PTPRG: variants seen among roughly 807,000 people sequenced by gnomAD.
PTPRG encodes protein tyrosine phosphatase receptor type G, also known as receptor-type tyrosine-protein phosphatase gamma.
Under a neutral mutation model 165.3 loss-of-function variants are expected in PTPRG, and 102 were observed. The ratio of observed to expected loss-of-function variants is 0.62; its 90% CI spans 0.53 to 0.73. The LOEUF is 0.73. PTPRG is among the 30% of genes least tolerant of loss of function. The pLI, the probability that PTPRG is intolerant of heterozygous loss-of-function variation, is 0.00. For synonymous variants in PTPRG, 675 were observed against 669.5 expected, an observed-to-expected ratio of 1.01 and a Z score of -0.13; for missense variants, 1,866 against 1,861.4, an observed-to-expected ratio of 1.00 and a Z score of -0.05.
At chr3:62,206,193 A>G (rs1331839214) in intron 12 of PTPRG, among the ~76,000 whole-genome samples, 1 of 152,186 alleles carries the variant, frequency 6.6e-6, no homozygotes, top group Non-Finnish European at 1.5e-5. Flanking sequence ...GTAAGTGGAA[A>G]TGAGTTCTTG....
intron 2 of PTPRG, among the ~76,000 whole-genome samples, chr3:61,973,781 C>T (rs1253412264): frequency 6.6e-6 from 1 of 151,894 alleles, no homozygotes; most frequent in Non-Finnish European, 1.5e-5. Flanking sequence ...TGCAGTGAGC[C>T]AAGATGGCTT....
chr3:61,747,555 G>C, intron 1 of PTPRG, among the ~76,000 whole-genome samples: 1 of 152,094 alleles, frequency 6.6e-6, no homozygotes, highest in Admixed American at 6.6e-5. Context: ...CATCTCTGTG[G>C]AATACTATTG....
rs114838445 is a variant in PTPRG at position 61,701,486 on chromosome 3, G to A, written c.86-47392G>A. Among the ~76,000 whole-genome samples the A allele has an allele frequency of 3.6e-3, 544 of 152,184 alleles. 6 individuals are homozygous for A. The highest frequency in any genetic ancestry group is 0.013 in the African/African-American group (520 of 41,532). The stretch of plus-strand genomic sequence containing the variant: ...TAATAGTAATATTTGAAAACTTTTT[G>A]CATAAAGGCAGAAGAGGAAAAAACC... On this transcript the variant is annotated intron_variant, in intron 1 of 29. Transcript: ENST00000474889.
At chr3:61,611,333 A>G (rs1048520188) in intron 1 of PTPRG, among the ~76,000 whole-genome samples, 2 of 152,090 alleles carry the variant, frequency 1.3e-5, no homozygotes, top group Non-Finnish European at 2.9e-5. Flanking sequence ...TGTGGATCAA[A>G]TGGAAAGATG....
chr3:61,702,374 T>A (rs535191357), intron 1 of PTPRG, among the ~76,000 whole-genome samples: 1 of 152,368 alleles, frequency 6.6e-6, no homozygotes, highest in East Asian at 1.9e-4. Flanking sequence ...GAATAGGAAC[T>A]GTTACTTTCT....
At chr3:61,627,254 T>C (rs1559530376) in intron 1 of PTPRG, among the ~76,000 whole-genome samples, 1 of 152,158 alleles carries the variant, frequency 6.6e-6, no homozygotes, top group Non-Finnish European at 1.5e-5. Flanking sequence ...GCATTAGTTA[T>C]AGGGAAATTA....
chr3:61,650,400 C>G (rs1358758666), intron 1 of PTPRG, among the ~76,000 whole-genome samples: 1 of 152,076 alleles, frequency 6.6e-6, no homozygotes, highest in African/African-American at 2.4e-5. Context: ...AACACAGTGA[C>G]GAGTTCCGCA....
intron 8 of PTPRG, among the ~76,000 whole-genome samples, chr3:62,191,122 T>C (rs1699801557): frequency 6.6e-6 from 1 of 151,610 alleles, no homozygotes; most frequent in Non-Finnish European, 1.5e-5. Flanking sequence ...CATGCACATG[T>C]GTGCGTGTGT....
intron 1 of PTPRG, among the ~76,000 whole-genome samples, chr3:61,681,647 C>T (rs944194917): frequency 6.6e-6 from 1 of 151,948 alleles, no homozygotes; most frequent in Non-Finnish European, 1.5e-5. Context: ...GGACTCATGC[C>T]CCATGGAATT....
intron 4 of PTPRG, among the ~76,000 whole-genome samples, chr3:62,041,005 C>G (rs1329513295): frequency 6.6e-6 from 1 of 152,212 alleles, no homozygotes; most frequent in African/African-American, 2.4e-5. Flanking sequence ...AGTCCTGGCT[C>G]TGCCCACTTT....
chr3:62,232,056 A>G (rs111797264), intron 14 of PTPRG, among the ~76,000 whole-genome samples: 18 of 152,260 alleles, frequency 1.2e-4, no homozygotes, highest in African/African-American at 3.8e-4. Flanking sequence ...TCACTAATCC[A>G]TATTATGTCA....
chr3:62,225,995 T>C (rs1194161309), intron 13 of PTPRG, among the ~76,000 whole-genome samples: 1 of 152,182 alleles, frequency 6.6e-6, no homozygotes, highest in East Asian at 1.9e-4. Context: ...ACTAGACATG[T>C]GCTCAGCAGA....
intron 2 of PTPRG, among the ~76,000 whole-genome samples, chr3:61,962,311 T>G (rs1020451622): frequency 2.0e-5 from 3 of 152,316 alleles, no homozygotes; most frequent in African/African-American, 7.2e-5. Flanking sequence ...TCAATTTTTC[T>G]TAATTATGCT....
chr3:61,594,270 C>T lies in PTPRG; in HGVS notation c.85+31898C>T, dbSNP rs540708329. On this transcript the variant is annotated intron_variant, in intron 1 of 29. Transcript: ENST00000474889. ...AAATACTCCTCCGGGAGGAGGGCGC[C>T]GGGTGGATTACAATGCAGAGCCCTG... Among the ~76,000 whole-genome samples the T allele has an allele frequency of 3.9e-5, 6 of 151,952 alleles. No individual in the cohort carries two copies. The East Asian group carries it at 7.8e-4, about 20-fold the overall frequency.
At chr3:61,866,152 ATC>A (rs2037402549) in intron 2 of PTPRG, among the ~76,000 whole-genome samples, 1 of 152,202 alleles carries the variant, frequency 6.6e-6, no homozygotes, top group Non-Finnish European at 1.5e-5. Context: ...GTCCTCCTGC[ATC>A]CAGGAATGGG....
chr3:62,279,941 T>C (rs1012623830), intron 26 of PTPRG, among the ~76,000 whole-genome samples: 6 of 152,072 alleles, frequency 3.9e-5, no homozygotes, highest in Non-Finnish European at 8.8e-5. Context: ...TGGAGCTGAT[T>C]GATTAGGATA....
intron 2 of PTPRG, among the ~76,000 whole-genome samples, chr3:61,913,227 A>AT (rs1559685076): frequency 1.3e-5 from 2 of 151,754 alleles, no homozygotes; most frequent in Non-Finnish European, 1.5e-5. Context: ...TTTCTTTTTT[A>AT]TTTTTTTTCT....
chr3:61,937,948 T>TTTA (rs2039520348), intron 2 of PTPRG, among the ~76,000 whole-genome samples: 1 of 151,834 alleles, frequency 6.6e-6, no homozygotes, highest in African/African-American at 2.4e-5. Flanking sequence ...GTTTTTTTTT[T>TTTA]TCCCCCTTCA....
intron 4 of PTPRG, among the ~76,000 whole-genome samples, chr3:62,008,815 A>G (rs113474759): frequency 0.064 from 9,743 of 152,218 alleles, 515 homozygotes; most frequent in African/African-American, 0.15. Flanking sequence ...CTCCTATGAG[A>G]ATGTACTGCT....
Sources: allele counts gnomAD v4.1 joint callset (sites outside exome capture counted in the v4.1 genomes callset), GRCh38; gene constraint gnomAD v4.1.1; transcripts MANE v1.5; gene names NCBI Gene and HGNC (gene_info 2026-07-23, HGNC 2026-07-21).